The following NALF1 variants were observed in gnomAD, a reference collection of about 807,000 sequenced individuals.
The protein encoded by NALF1 is family with sequence similarity 155 member A.
In NALF1, 3 loss-of-function variants were observed where a neutral mutation model predicts 48.4. The observed-to-expected ratio is 0.06, with a 90% CI of 0.03 to 0.16. NALF1 has a LOEUF of 0.16. NALF1 is among the 10% of genes least tolerant of loss of function. The pLI is 1.00. For synonymous variants in NALF1, 262 were observed against 245.7 expected, an observed-to-expected ratio of 1.07 and a Z score of -0.62; for missense variants, 526 against 571.5, an observed-to-expected ratio of 0.92 and a Z score of 0.81.
intron 1 of NALF1, among the ~76,000 whole-genome samples, chr13:107,386,293 C>A (rs1192467886): frequency 6.6e-6 from 1 of 152,168 alleles, no homozygotes; most frequent in African/African-American, 2.4e-5. Flanking sequence ...GGCAACCCCA[C>A]CCCCTCTTGG....
intron 1 of NALF1, among the ~76,000 whole-genome samples, chr13:107,562,824 G>A (rs531119884): frequency 1.3e-5 from 2 of 152,164 alleles, no homozygotes; most frequent in Admixed American, 6.5e-5. Context: ...AGGAGTGAGT[G>A]CTATGAGTGC....
chr13:107,362,535 G>A lies in NALF1; in HGVS notation c.916-151780C>T, dbSNP rs9301213. On this transcript the variant is annotated intron_variant, in intron 1 of 2. Transcript: ENST00000375915. The surrounding 1 kb of genome is among the most constrained non-coding windows in gnomAD (Gnocchi z 4.6). Reference sequence around the variant, plus strand: ...TGGCATTCTCCTGTGTGTCCTCGTCGCGGGGCATTCTCCTCTCCTTATATC... The same window carrying A: ...TGGCATTCTCCTGTGTGTCCTCGTCACGGGGCATTCTCCTCTCCTTATATC... Among the ~76,000 whole-genome samples, 91,803 of 151,990 alleles carry A rather than the reference G, an allele frequency of 0.6. 28,504 individuals carry two copies. The highest frequency in any genetic ancestry group is 0.81 in the East Asian group (4,181 of 5,148).
intron 1 of NALF1, among the ~76,000 whole-genome samples, chr13:107,422,140 T>G (rs1321687603): frequency 6.6e-6 from 1 of 152,170 alleles, no homozygotes; most frequent in Non-Finnish European, 1.5e-5. Context: ...ATGACTCTTA[T>G]GAAAAGCATT....
chr13:107,504,315 A>C (rs1002217219), intron 1 of NALF1, among the ~76,000 whole-genome samples: 1 of 151,836 alleles, frequency 6.6e-6, no homozygotes, highest in Non-Finnish European at 1.5e-5. Context: ...GAGGAAATGG[A>C]AAGATGTAGG....
chr13:107,867,111 C>T lies in NALF1; in HGVS notation c.-515G>A, dbSNP rs1234119702. On this transcript the variant is annotated 5_prime_UTR_variant, in exon 1 of 3. Transcript: ENST00000375915. This position sits in a 1 kb window ranked among gnomAD's most constrained non-coding sequence, Gnocchi z 4.4. ...CGCCTCCGCTGCCCACTGACGGCGCCCGGAGCGCCTCCCCTCCTCCTCCTC... is the reference window on the plus strand; with the variant it reads ...CGCCTCCGCTGCCCACTGACGGCGCTCGGAGCGCCTCCCCTCCTCCTCCTC... 1.3e-5 allele frequency among the ~76,000 whole-genome samples: 2 copies of T among 151,288 alleles called. No homozygotes were observed. The highest frequency in any genetic ancestry group is 3.0e-5 in the Non-Finnish European group (2 of 67,714).
rs561879526 is a variant in NALF1 at position 107,787,972 on chromosome 13, G to A, written c.915+77710C>T. Among the ~76,000 whole-genome samples the A allele has an allele frequency of 3.9e-5, 6 of 152,124 alleles. No individual in the cohort carries two copies. The East Asian group carries it at 7.8e-4, about 20-fold the overall frequency. On this transcript the variant is annotated intron_variant, in intron 1 of 2. Transcript: ENST00000375915. ...GTTAGATGTGCATCTGCCAACCCAC[G>A]GTTTGCATGAATTGTCCCTTGAATC...
chr13:107,306,987 A>T (rs1881949351), intron 1 of NALF1, among the ~76,000 whole-genome samples: 1 of 152,158 alleles, frequency 6.6e-6, no homozygotes, highest in African/African-American at 2.4e-5. Context: ...AAACAAAACA[A>T]AAACCCCAAA....
intron 1 of NALF1, among the ~76,000 whole-genome samples, chr13:107,269,808 G>A (rs370120786): frequency 6.6e-4 from 94 of 142,608 alleles, no homozygotes; most frequent in African/African-American, 2.2e-3. Flanking sequence ...GAAGAAATAT[G>A]TTTCTTTTTT....
chr13:107,315,897 A>ATT lies in NALF1; in HGVS notation c.916-105143_916-105142insAA, dbSNP rs1555332038. Among the ~76,000 whole-genome samples the ATT allele has an allele frequency of 7.0e-3, 1,045 of 149,378 alleles. 13 individuals carry two copies. Among genetic ancestry groups the ATT allele is most frequent in the African/African-American group, 0.024 (990 of 41,014 alleles). On this transcript the variant is annotated intron_variant, in intron 1 of 2. Coordinates refer to ENST00000375915, the MANE Select transcript of NALF1 (RefSeq NM_001080396.3). ...TCTTATTTTTTATAGATATATATAT[A>ATT]TATTTATTTATTTATTATACTTTAA...
chr13:107,599,652 A>G lies in NALF1; in HGVS notation c.915+266030T>C, dbSNP rs1198065580. On this transcript the variant is annotated intron_variant, in intron 1 of 2. Transcript: ENST00000375915. ...TATTTTTACTTCAAATTCATTTCCA[A>G]ATTATTAGTGAAGTTGAACACTATT... Among the ~76,000 whole-genome samples, 3 of 152,252 alleles carry G rather than the reference A, an allele frequency of 2.0e-5. No individual in the cohort carries two copies. The East Asian group carries it at 5.8e-4, about 29-fold the overall frequency.
intron 1 of NALF1, among the ~76,000 whole-genome samples, chr13:107,311,493 T>A (rs1336577556): frequency 6.6e-6 from 1 of 151,900 alleles, no homozygotes; most frequent in African/African-American, 2.4e-5. Flanking sequence ...AAGGCTGTTG[T>A]CCATTAGACA....
At chr13:107,275,585 C>A (rs1881264449) in intron 1 of NALF1, among the ~76,000 whole-genome samples, 1 of 151,938 alleles carries the variant, frequency 6.6e-6, no homozygotes, top group African/African-American at 2.4e-5. Flanking sequence ...TTCTGTGGGT[C>A]CGGAATCTGA....
At chr13:107,778,222 C>G (rs138220961) in intron 1 of NALF1, among the ~76,000 whole-genome samples, 1 of 152,288 alleles carries the variant, frequency 6.6e-6, no homozygotes, top group Admixed American at 6.5e-5. Context: ...AATGGAATGA[C>G]AGGATTCAGA....
intron 1 of NALF1, among the ~76,000 whole-genome samples, chr13:107,825,481 T>C (rs1210383615): frequency 1.3e-5 from 2 of 152,168 alleles, no homozygotes; most frequent in Non-Finnish European, 2.9e-5. Flanking sequence ...ATCTGATCTC[T>C]TGTCTCAATC....
intron 1 of NALF1, among the ~76,000 whole-genome samples, chr13:107,808,752 A>G (rs1878891367): frequency 6.6e-6 from 1 of 152,080 alleles, no homozygotes; most frequent in African/African-American, 2.4e-5. Context: ...GCAGTTTGGA[A>G]GTTTACTTCC....
At chr13:107,306,852 C>G (rs1434839236) in intron 1 of NALF1, among the ~76,000 whole-genome samples, 1 of 152,110 alleles carries the variant, frequency 6.6e-6, no homozygotes, top group Non-Finnish European at 1.5e-5. Flanking sequence ...GTAGTCTCAG[C>G]TACTTTGGAG....
At chr13:107,688,535 G>A (rs1881491604) in intron 1 of NALF1, among the ~76,000 whole-genome samples, 1 of 152,130 alleles carries the variant, frequency 6.6e-6, no homozygotes. Context: ...GCATGGCAAA[G>A]CCCTTTTCAA....
chr13:107,239,276 G>A (rs1397054829), intron 1 of NALF1, among the ~76,000 whole-genome samples: 1 of 152,158 alleles, frequency 6.6e-6, no homozygotes, highest in East Asian at 1.9e-4. Flanking sequence ...CTCTCTCCAA[G>A]GCTCCTGGAG....
intron 1 of NALF1, among the ~76,000 whole-genome samples, chr13:107,432,185 T>A (rs1274514565): frequency 6.6e-6 from 1 of 152,002 alleles, no homozygotes; most frequent in African/African-American, 2.4e-5. Flanking sequence ...AGCAACAGCA[T>A]GAGGAGGCGC....
Sources: allele counts gnomAD v4.1 joint callset (sites outside exome capture counted in the v4.1 genomes callset), GRCh38; gene constraint gnomAD v4.1.1; non-coding constraint Gnocchi (gnomAD v3.1); transcripts MANE v1.5; gene names NCBI Gene and HGNC (gene_info 2026-07-23, HGNC 2026-07-21).